Variants in PI15 observed in about 807,000 individuals in gnomAD.
PI15 encodes peptidase inhibitor 15.
A neutral mutation model predicts 31.0 loss-of-function variants in PI15; 18 were observed. That is an observed-to-expected ratio of 0.58 (90% CI 0.40 to 0.86). PI15 has a LOEUF of 0.86. Among genes scored for constraint, PI15 ranks in the 40% least tolerant of loss-of-function variants. The pLI is 0.00. For synonymous variants in PI15, 118 were observed against 119.1 expected, an observed-to-expected ratio of 0.99 and a Z score of 0.06; for missense variants, 282 against 328.1, an observed-to-expected ratio of 0.86 and a Z score of 1.09.
intron 2 of PI15, among the ~76,000 whole-genome samples, chr8:74,834,814 C>G (rs913371589): frequency 1.3e-5 from 2 of 152,166 alleles, no homozygotes; most frequent in African/African-American, 4.8e-5. Flanking sequence ...ACAAATTACT[C>G]TCCAATTGCT....
At chr8:74,828,309 C>A (rs1455102502) in intron 2 of PI15, among the ~76,000 whole-genome samples, 1 of 152,050 alleles carries the variant, frequency 6.6e-6, no homozygotes, top group Non-Finnish European at 1.5e-5. Context: ...GGAGTCTAGA[C>A]AAAGGTCTGG....
Position 74,825,441 on chromosome 8 carries a change from G to A in PI15, c.192G>A (p.Gln64=), listed in dbSNP as rs984353783. 1 of 1,613,104 alleles carries A rather than the reference G, an allele frequency of 6.2e-7. No homozygotes were observed. Among genetic ancestry groups the A allele is most frequent in the African/African-American group, 1.3e-5 (1 of 74,818 alleles). Reference sequence around the variant, plus strand: ...CCAGGCGGAAGCGCTACATTTCGCAGAATGACATGATCGCCATTCTTGATT... The same window carrying A: ...CCAGGCGGAAGCGCTACATTTCGCAAAATGACATGATCGCCATTCTTGATT... ...PKARRKRYIS[Q]NDMIAILDYH... is the part of the protein sequence containing the mutation. Residue 64 remains glutamine, a synonymous_variant, in exon 2 of 6, where the codon CAG becomes CAA. Coordinates refer to ENST00000260113, the MANE Select transcript of PI15 (RefSeq NM_015886.5).
chr8:74,848,732 T>TATATATAG (rs1191072583), intron 5 of PI15, among the ~76,000 whole-genome samples: 1 of 136,354 alleles, frequency 7.3e-6, no homozygotes, highest in Admixed American at 7.5e-5. Context: ...TATATATATA[T>TATATATAG]AGAGAGAGAG....
chr8:74,827,823 CTA>C (rs1164887320), intron 2 of PI15, among the ~76,000 whole-genome samples: 1 of 152,088 alleles, frequency 6.6e-6, no homozygotes, highest in Non-Finnish European at 1.5e-5. Context: ...ATCAGAACCA[CTA>C]TATATGATTT....
At position 74,828,015 on chromosome 8, in the gene PI15, A is replaced by G. The variant is rs1041020491; in HGVS notation, c.273+2493A>G. On this transcript the variant is annotated intron_variant, in intron 2 of 5. Coordinates refer to ENST00000260113, the MANE Select transcript of PI15 (RefSeq NM_015886.5). ...ACCTGTATTTGCTAATTTAATATTT[A>G]TTAAATATTTAATATTTGTTAAGCA... Among the ~76,000 whole-genome samples the G allele has an allele frequency of 1.9e-4, 29 of 152,260 alleles. 1 individual carries two copies. The highest frequency in any genetic ancestry group is 1.6e-3 in the Admixed American group (25 of 15,272).
At chr8:74,843,886 A>T in intron 2 of PI15, 95 bp from the exon 3 acceptor site, 2 of 762,914 alleles carry the variant, frequency 2.6e-6, no homozygotes, top group South Asian at 2.9e-5. Context: ...ACAGACAAAC[A>T]ATAACTCTAG....
Position 74,850,709 on chromosome 8 carries a change from C to T in PI15, c.*1456C>T, listed in dbSNP as rs1409651340. Reference sequence around the variant, plus strand: ...CTTCATTGAGTTTGATTATGGAAATCCATTCAAAGTCACTATGAAAATTTT... The same window carrying T: ...CTTCATTGAGTTTGATTATGGAAATTCATTCAAAGTCACTATGAAAATTTT... On this transcript the variant is annotated 3_prime_UTR_variant, in exon 6 of 6. Transcript: ENST00000260113. 2 of 152,090 alleles carry T rather than the reference C, an allele frequency of 1.3e-5. No homozygotes were observed. Among genetic ancestry groups the T allele is most frequent in the African/African-American group, 2.4e-5 (1 of 41,408 alleles). The allele number at this position is 152,090 out of a possible 1,614,324, so 9.4% of individuals were successfully genotyped here.
chr8:74,848,724 T>TAGAG (rs1411144065), intron 5 of PI15, among the ~76,000 whole-genome samples: 2 of 143,480 alleles, frequency 1.4e-5, no homozygotes, highest in African/African-American at 5.3e-5. Flanking sequence ...AATATATATA[T>TAGAG]ATATATATAG....
chr8:74,843,780 C>T (rs995493344), intron 2 of PI15, among the ~76,000 whole-genome samples: 3 of 152,124 alleles, frequency 2.0e-5, no homozygotes, highest in Admixed American at 2.0e-4. Flanking sequence ...AGGAGAATTG[C>T]TTGACCCCGG....
chr8:74,837,059 C>T (rs940265270), intron 2 of PI15, among the ~76,000 whole-genome samples: 6 of 152,086 alleles, frequency 3.9e-5, no homozygotes, highest in Non-Finnish European at 8.8e-5. Flanking sequence ...AAATAGTACA[C>T]CTTACACCAT....
rs1810687851 is a variant in PI15 at position 74,825,621 on chromosome 8, G to C, written c.273+99G>C. ...AACGACCACGAGTGTTTATATGTCC[G>C]GGTATATGGACTTTTTACATATTTT... On this transcript the variant is annotated intron_variant, in intron 2 of 5. Coordinates refer to ENST00000260113, the MANE Select transcript of PI15 (RefSeq NM_015886.5). 3.2e-6 allele frequency: 3 copies of C among 937,100 alleles called. No homozygotes were observed. The South Asian group carries it at 5.1e-5, about 16-fold the overall frequency. The allele number at this position is 937,100 out of a possible 1,614,324, so 58.0% of individuals were successfully genotyped here.
At chr8:74,832,279 A>G (rs1371132973) in intron 2 of PI15, among the ~76,000 whole-genome samples, 3 of 152,130 alleles carry the variant, frequency 2.0e-5, no homozygotes, top group Non-Finnish European at 4.4e-5. Context: ...TAAAGAGCAG[A>G]ATTCTGGAAG....
intron 2 of PI15, among the ~76,000 whole-genome samples, chr8:74,838,877 C>T (rs1332256775): frequency 1.3e-5 from 2 of 152,140 alleles, no homozygotes; most frequent in African/African-American, 2.4e-5. Context: ...AAGACAACAT[C>T]TTCAGATGTC....
At chr8:74,826,865 T>C (rs1203998451) in intron 2 of PI15, among the ~76,000 whole-genome samples, 3 of 152,066 alleles carry the variant, frequency 2.0e-5, no homozygotes, top group Non-Finnish European at 4.4e-5. Flanking sequence ...ACATTAGTTT[T>C]GATGGGTTTC....
rs1016189062 is a variant in PI15, at chr8:74,854,845, T to A, written c.*5592T>A. ...TTTAGATATTTTTTAAACAGATTAA[T>A]TTGGAGAAGTTTTATTCATTACCTA... On this transcript the variant is annotated 3_prime_UTR_variant, in exon 6 of 6. Coordinates refer to ENST00000260113, the MANE Select transcript of PI15 (RefSeq NM_015886.5). 1 of 152,166 alleles carries A rather than the reference T, an allele frequency of 6.6e-6. No homozygotes were observed. The highest frequency in any genetic ancestry group is 1.5e-5 in the Non-Finnish European group (1 of 68,028). The allele number at this position is 152,166 out of a possible 1,614,324, so 9.4% of individuals were successfully genotyped here.
At chr8:74,843,166 C>T (rs1810968603) in intron 2 of PI15, among the ~76,000 whole-genome samples, 1 of 152,074 alleles carries the variant, frequency 6.6e-6, no homozygotes, top group African/African-American at 2.4e-5. Context: ...CTTTTGACGG[C>T]TGTGAAAATT....
At chr8:74,826,838 A>T (rs537080275) in intron 2 of PI15, among the ~76,000 whole-genome samples, 2 of 152,082 alleles carry the variant, frequency 1.3e-5, no homozygotes, top group Non-Finnish European at 2.9e-5. Context: ...GCCTGTTGCT[A>T]ACTAGATGTT....
rs1340017707 is a variant in PI15, at chr8:74,853,060, A to G, written c.*3807A>G. ...ACATCCAATTATTTGAACACATGCA[A>G]AATAATTTTTTAAATTATGTTATTG... On this transcript the variant is annotated 3_prime_UTR_variant, in exon 6 of 6. Transcript: ENST00000260113. The G allele has an allele frequency of 6.6e-6, 1 of 152,594 alleles. No individual in the cohort carries two copies. Among genetic ancestry groups the G allele is most frequent in the African/African-American group, 2.4e-5 (1 of 41,472 alleles). The allele number at this position is 152,594 out of a possible 1,614,324, so 9.5% of individuals were successfully genotyped here. A position where few individuals can be genotyped will look rare whatever the true frequency, so the allele number is the denominator to read the frequency against.
chr8:74,837,563 G>A (rs1810889301), intron 2 of PI15, among the ~76,000 whole-genome samples: 1 of 151,960 alleles, frequency 6.6e-6, no homozygotes, highest in African/African-American at 2.4e-5. Flanking sequence ...CTGCCCTAAA[G>A]GAAAATAATT....
Sources: allele counts gnomAD v4.1 joint callset (sites outside exome capture counted in the v4.1 genomes callset), GRCh38; gene constraint gnomAD v4.1.1; transcripts MANE v1.5; gene names NCBI Gene and HGNC (gene_info 2026-07-23, HGNC 2026-07-21).